Variants in TUFT1 observed in about 807,000 individuals in gnomAD.
TUFT1 encodes tuftelin 1.
TUFT1 carries 43 observed loss-of-function variants against 57.8 expected under a neutral mutation model. The ratio of observed to expected loss-of-function variants is 0.74; its 90% CI spans 0.58 to 0.96. The LOEUF is 0.96. Among genes scored for constraint, TUFT1 ranks in the 40% least tolerant of loss-of-function variants. The pLI is 0.00. For missense variants in TUFT1, 459 were observed against 489.0 expected (o/e 0.94, Z 0.58); for synonymous variants, 166 against 176.7 (o/e 0.94, Z 0.48).
At position 151,565,027 on chromosome 1, in the gene TUFT1, G is replaced by A. The variant is rs1003142271; in HGVS notation, c.414+413G>A. The A allele has an allele frequency of 2.4e-4, 38 of 156,948 alleles. 1 individual carries two copies. Among genetic ancestry groups the A allele is most frequent in the Admixed American group, 2.1e-3 (33 of 15,800 alleles). The allele number at this position is 156,948 out of a possible 1,614,324, so 9.7% of individuals were successfully genotyped here. On this transcript the variant is annotated intron_variant, in intron 5 of 12. Coordinates refer to ENST00000368849, the MANE Select transcript of TUFT1 (RefSeq NM_020127.3). ...GCTTAGTTTGGGTGATACCTGTAGC[G>A]TAAATTGAAGTCCGTGCCCTAGCCT...
chr1:151,540,564 CT>C, intron 1 of TUFT1, 138 bp downstream of exon 1: 1 of 916,902 alleles, frequency 1.1e-6, no homozygotes, highest in Non-Finnish European at 1.7e-6. Flanking sequence ...GCGCTTCTCT[CT>C]TTTTATTCTT....
chr1:151,563,820 C>G, intron 3 of TUFT1, 84 bp from the exon 4 acceptor site: 2 of 1,159,368 alleles, frequency 1.7e-6, no homozygotes, highest in Non-Finnish European at 2.6e-6. Context: ...AATTTACCCT[C>G]CCACCAGCAC....
At position 151,563,959 on chromosome 1, in the gene TUFT1, A is replaced by G; in HGVS notation, c.293A>G (p.Gln98Arg). The change falls in exon 4 of 13, where the codon CAG becomes CGG. Residue 98 changes from glutamine to arginine, a missense_variant. Coordinates refer to ENST00000368849, the MANE Select transcript of TUFT1 (RefSeq NM_020127.3). ...DKMIHEKNIN[Q>R]LKSEVQYIQE... The stretch of plus-strand genomic sequence containing the variant: ...ATGATTCACGAGAAGAATATTAACC[A>G]GCTGAAGAGTGAGGTCCAGTACATC... 1 of 1,614,190 alleles carries G rather than the reference A, an allele frequency of 6.2e-7. No individual in the cohort carries two copies. Among genetic ancestry groups the G allele is most frequent in the South Asian group, 1.1e-5 (1 of 91,084 alleles).
chr1:151,579,760 G>A (rs759327891), intron 11 of TUFT1, 28 bp downstream of exon 11: 31 of 1,604,242 alleles, frequency 1.9e-5, no homozygotes, highest in Non-Finnish European at 2.6e-5. Context: ...CCCAGCAGGG[G>A]AACAGGACTC....
At chr1:151,548,816 A>C (rs1358445058) in intron 1 of TUFT1, among the ~76,000 whole-genome samples, 2 of 152,126 alleles carry the variant, frequency 1.3e-5, no homozygotes, top group African/African-American at 2.4e-5. Flanking sequence ...CTTGACTCCT[A>C]CCCAGTCCTA....
intron 9 of TUFT1, among the ~76,000 whole-genome samples, chr1:151,576,695 C>T (rs1197682778): frequency 6.6e-6 from 1 of 152,114 alleles, no homozygotes; most frequent in Non-Finnish European, 1.5e-5. Flanking sequence ...TGCAGTGGTG[C>T]AATCTCGGCT....
intron 10 of TUFT1, among the ~76,000 whole-genome samples, chr1:151,579,084 G>T (rs573310312): frequency 1.4e-4 from 21 of 152,244 alleles, no homozygotes; most frequent in African/African-American, 4.8e-5. Context: ...ACTCTGTGAA[G>T]AGTGTGGGTA....
In TUFT1 at chr1:151,562,709, T is replaced by A. The variant is rs749953181; in HGVS notation, c.237+23T>A. On this transcript the variant is annotated intron_variant, in intron 3 of 12. Transcript: ENST00000368849. ...AAGGTAAGCTTAGTTCACCTCCAAC[T>A]TTTCTCCCTGTCCTCTTCCTCCCTG... is the stretch of plus-strand genomic sequence containing the variant. The A allele has an allele frequency of 2.5e-6, 4 of 1,589,480 alleles. No individual in the cohort carries two copies. The Admixed American group carries it at 5.0e-5, about 20-fold the overall frequency.
At position 151,573,502 on chromosome 1, in the gene TUFT1, T is replaced by C. The variant is rs542285668; in HGVS notation, c.595-768T>C. On this transcript the variant is annotated intron_variant, in intron 7 of 12. Transcript: ENST00000368849. ...GCTCACTCCTGTAATCCCAGCACTTTAGGAGGCCAAGGCGGGCGGATCACC... is the reference window on the plus strand; with the variant it reads ...GCTCACTCCTGTAATCCCAGCACTTCAGGAGGCCAAGGCGGGCGGATCACC... 8.5e-5 allele frequency among the ~76,000 whole-genome samples: 13 copies of C among 152,330 alleles called. No homozygotes were observed. The South Asian group carries it at 2.3e-3, about 27-fold the overall frequency.
chr1:151,540,494 G>C (rs1665125629), intron 1 of TUFT1, 68 bp downstream of exon 1: 2 of 1,584,808 alleles, frequency 1.3e-6, no homozygotes, highest in Admixed American at 1.7e-5. Context: ...CCCCTTCCGT[G>C]CCCCGCGCCG....
chr1:151,563,082 G>A (rs1023033166), intron 3 of TUFT1, among the ~76,000 whole-genome samples: 7 of 151,996 alleles, frequency 4.6e-5, no homozygotes, highest in East Asian at 1.9e-4. Flanking sequence ...AGACAGTCTC[G>A]CCTTGTTCCC....
intron 1 of TUFT1, 22 bp downstream of exon 1, chr1:151,540,448 G>C (rs1283190122): frequency 6.2e-7 from 1 of 1,614,044 alleles, no homozygotes; most frequent in South Asian, 1.1e-5. Context: ...CGCTCTCGCT[G>C]TCTTCTCCGT....
At chr1:151,545,265 A>T (rs1197464861) in intron 1 of TUFT1, among the ~76,000 whole-genome samples, 1 of 151,824 alleles carries the variant, frequency 6.6e-6, no homozygotes, top group Non-Finnish European at 1.5e-5. Flanking sequence ...AGCCGAGATC[A>T]CGCCATTGCA....
chr1:151,575,529 A>G (rs1005646498), intron 9 of TUFT1, among the ~76,000 whole-genome samples: 1 of 152,184 alleles, frequency 6.6e-6, no homozygotes, highest in Non-Finnish European at 1.5e-5. Flanking sequence ...GTGATCACTG[A>G]GATCCTTTCT....
At chr1:151,552,341 G>A (rs1423210926) in intron 1 of TUFT1, among the ~76,000 whole-genome samples, 1 of 152,202 alleles carries the variant, frequency 6.6e-6, no homozygotes, top group Admixed American at 6.5e-5. Flanking sequence ...ACATATGTAT[G>A]TGCCAGGGCA....
chr1:151,573,020 A>G (rs1396070163), intron 7 of TUFT1, among the ~76,000 whole-genome samples: 2 of 152,362 alleles, frequency 1.3e-5, no homozygotes, highest in East Asian at 3.9e-4. Flanking sequence ...ACTGGCTGTC[A>G]TTCACTAGCT....
chr1:151,555,357 C>T (rs1665656999), intron 1 of TUFT1, among the ~76,000 whole-genome samples: 2 of 148,862 alleles, frequency 1.3e-5, no homozygotes, highest in African/African-American at 2.5e-5. Context: ...ATAAGGCATA[C>T]ACTAACATTT....
intron 7 of TUFT1, among the ~76,000 whole-genome samples, chr1:151,571,914 TG>T (rs1278407294): frequency 6.6e-6 from 1 of 152,268 alleles, no homozygotes; most frequent in Admixed American, 6.5e-5. Flanking sequence ...TGCTTCTTCT[TG>T]CTGGGCGCTG....
rs749010072 is a variant in TUFT1, at chr1:151,566,184, G to GGCTTTA, written c.438_443dup (p.Phe147_Ser148dup). ...ACAGGTGGTGCTAGAAAAGCCAAAT[G>GGCTTTA]GCTTTAGTCAGAGTCCCACAGCCCT... On this transcript the variant is annotated inframe_insertion, in exon 6 of 13. Transcript: ENST00000368849. 1.9e-6 allele frequency: 3 copies of GGCTTTA among 1,611,294 alleles called. No individual in the cohort carries two copies. The highest frequency in any genetic ancestry group is 2.5e-6 in the Non-Finnish European group (3 of 1,179,026).
Sources: allele counts gnomAD v4.1 joint callset (sites outside exome capture counted in the v4.1 genomes callset), GRCh38; gene constraint gnomAD v4.1.1; transcripts MANE v1.5; gene names NCBI Gene and HGNC (gene_info 2026-07-23, HGNC 2026-07-21).